ZSCAN20: variants seen among roughly 807,000 people sequenced by gnomAD.
ZSCAN20 encodes zinc finger and SCAN domain-containing protein 20.
A neutral mutation model predicts 97.1 loss-of-function variants in ZSCAN20; 39 were observed. The ratio of observed to expected loss-of-function variants is 0.40; its 90% CI spans 0.31 to 0.52. The LOEUF (loss-of-function observed/expected upper bound fraction) is 0.52. ZSCAN20 is among the 20% of genes least tolerant of loss of function. ZSCAN20 has a pLI of 0.49. For missense variants in ZSCAN20, 1,115 were observed against 1,290.4 expected, an observed-to-expected ratio of 0.86 and a Z score of 2.08; for synonymous variants, 456 against 467.3, an observed-to-expected ratio of 0.98 and a Z score of 0.31.
intron 1 of ZSCAN20, among the ~76,000 whole-genome samples, chr1:33,475,911 C>T (rs113276967): frequency 6.6e-6 from 1 of 151,658 alleles, no homozygotes; most frequent in Non-Finnish European, 1.5e-5. Context: ...CTTGTGATCT[C>T]CCTGCCTCGG....
intron 2 of ZSCAN20, among the ~76,000 whole-genome samples, chr1:33,487,321 T>A (rs1652408362): frequency 6.6e-6 from 1 of 152,190 alleles, no homozygotes; most frequent in South Asian, 2.1e-4. Context: ...TATAAAGTAT[T>A]GAGATTGTTA....
chr1:33,490,283 C>T (rs1315515446), intron 5 of ZSCAN20, among the ~76,000 whole-genome samples: 2 of 152,082 alleles, frequency 1.3e-5, no homozygotes, highest in African/African-American at 4.8e-5. Context: ...TTTTGGGAAA[C>T]GGTGAATTAA....
At chr1:33,472,812 G>A (rs1220564857) in intron 1 of ZSCAN20, 121 bp downstream of exon 1, 1 of 152,090 alleles carries the variant, frequency 6.6e-6, no homozygotes, top group African/African-American at 2.4e-5. Context: ...TTATATGTGG[G>A]GGTGGAGGGT....
In ZSCAN20 at chr1:33,494,395, A is replaced by C; in HGVS notation, c.2051A>C (p.Gln684Pro). The stretch of plus-strand genomic sequence containing the variant: ...CAGTGGGGAAATCCCTCACAGGAAC[A>C]GTGGCAAGAAAGTTCTTCTGAAGAG... Reference protein sequence around the residue: ...EGQWGNPSQEQWQESSSEEDL... With the variant: ...EGQWGNPSQEPWQESSSEEDL... Residue 684 changes from glutamine to proline, a missense_variant, in exon 8 of 8, where the codon CAG (glutamine) becomes CCG (proline). Coordinates refer to ENST00000684572, the MANE Select transcript of ZSCAN20 (RefSeq NM_001377376.1). 6.2e-7 allele frequency: 1 copy of C among 1,614,076 alleles called. No homozygotes were observed. Among genetic ancestry groups the C allele is most frequent in the Non-Finnish European group, 8.5e-7 (1 of 1,179,958 alleles).
intron 2 of ZSCAN20, among the ~76,000 whole-genome samples, chr1:33,487,704 A>G (rs962566573): frequency 6.6e-6 from 1 of 152,166 alleles, no homozygotes; most frequent in African/African-American, 2.4e-5. Flanking sequence ...GTGCAGTGGC[A>G]TGATCATAGG....
At chr1:33,475,183 G>A (rs1246819853) in intron 1 of ZSCAN20, among the ~76,000 whole-genome samples, 1 of 152,184 alleles carries the variant, frequency 6.6e-6, no homozygotes, top group Non-Finnish European at 1.5e-5. Context: ...AAAAATGATT[G>A]GAGAAAAGGG....
chr1:33,491,686 G>C lies in ZSCAN20; in HGVS notation c.1428G>C (p.Leu476=), dbSNP rs763085054. ...QGPRIAGAPA[L]FQSRIAGVHW... ...CCAGGATTGCAGGGGCCCCAGCTCTGTTCCAGAGTCGTATTGGTAAGAACA... is the reference window on the plus strand; with the variant it reads ...CCAGGATTGCAGGGGCCCCAGCTCTCTTCCAGAGTCGTATTGGTAAGAACA... Residue 476 remains leucine, a synonymous_variant, in exon 6 of 8, where the codon CTG becomes CTC. Transcript: ENST00000684572. The surrounding 1 kb of genome is among the most constrained non-coding windows in gnomAD (Gnocchi z 4.3). 1 of 1,595,760 alleles carries C rather than the reference G, an allele frequency of 6.3e-7. No homozygotes were observed. Among genetic ancestry groups the C allele is most frequent in the African/African-American group, 1.4e-5 (1 of 73,692 alleles).
At position 33,501,555 on chromosome 1, in the gene ZSCAN20, T is replaced by C. The variant is rs1261289846; in HGVS notation, c.*6079T>C. Among the ~76,000 whole-genome samples the C allele has an allele frequency of 6.8e-6, 1 of 147,816 alleles. No homozygotes were observed. Among genetic ancestry groups the C allele is most frequent in the Non-Finnish European group, 1.5e-5 (1 of 66,560 alleles). ...TCTGTTATTTTTTTTTTTTTTGTGC[T>C]GTTATGTACATCTCTTAAAGCTGGT... On this transcript the variant is annotated 3_prime_UTR_variant, in exon 8 of 8. Coordinates refer to ENST00000684572, the MANE Select transcript of ZSCAN20 (RefSeq NM_001377376.1).
intron 2 of ZSCAN20, among the ~76,000 whole-genome samples, chr1:33,482,272 G>C (rs1001951449): frequency 1.3e-5 from 2 of 151,942 alleles, no homozygotes; most frequent in African/African-American, 2.4e-5. Flanking sequence ...TCTTTATACT[G>C]TCTCCATAGT....
In ZSCAN20 at chr1:33,497,035, A is replaced by T. The variant is rs543099135; in HGVS notation, c.*1559A>T. The stretch of plus-strand genomic sequence containing the variant: ...AAAATCCCCCTCCTGCCATCCTCTT[A>T]TGACACTAGGATGTATTCATAACCT... On this transcript the variant is annotated 3_prime_UTR_variant, in exon 8 of 8. Transcript: ENST00000684572. Among the ~76,000 whole-genome samples the T allele has an allele frequency of 6.6e-6, 1 of 152,184 alleles. No individual in the cohort carries two copies. The highest frequency in any genetic ancestry group is 1.5e-5 in the Non-Finnish European group (1 of 68,032).
intron 2 of ZSCAN20, 53 bp from the exon 3 acceptor site, chr1:33,488,412 C>A (rs1024867644): frequency 3.8e-6 from 6 of 1,578,758 alleles, no homozygotes; most frequent in Non-Finnish European, 3.4e-6. Context: ...CTCAAAATAC[C>A]AAAGTGGGTC....
rs1210614000 is a variant in ZSCAN20 at position 33,488,461 on chromosome 1, G to A, written c.418-4G>A. On this transcript the variant is annotated splice_region_variant and splice_polypyrimidine_tract_variant and intron_variant, in intron 2 of 7. Transcript: ENST00000684572. ...GATTGGGAATTTTGACTATTTGTGT[G>A]TAGGGACTGGAATTGCATACAGAAG... 4.3e-6 allele frequency: 7 copies of A among 1,610,444 alleles called. No individual in the cohort carries two copies. Among genetic ancestry groups the A allele is most frequent in the East Asian group, 2.2e-5 (1 of 44,780 alleles).
At position 33,499,643 on chromosome 1, in the gene ZSCAN20, A is replaced by G. The variant is rs570445269; in HGVS notation, c.*4167A>G. 2.0e-5 allele frequency among the ~76,000 whole-genome samples: 3 copies of G among 152,238 alleles called. No individual in the cohort carries two copies. The highest frequency in any genetic ancestry group is 7.2e-5 in the African/African-American group (3 of 41,540). On this transcript the variant is annotated 3_prime_UTR_variant, in exon 8 of 8. Transcript: ENST00000684572. ...ACTCATCTTGGACTCAGTTCTGCCA[A>G]TACTTTCTCCCTTCTAAGAGCATTT...
At position 33,494,135 on chromosome 1, in the gene ZSCAN20, G is replaced by A. The variant is rs1271992567; in HGVS notation, c.1874-83G>A. On this transcript the variant is annotated intron_variant, in intron 7 of 7. Coordinates refer to ENST00000684572, the MANE Select transcript of ZSCAN20 (RefSeq NM_001377376.1). The stretch of plus-strand genomic sequence containing the variant: ...CAAATTCATGTTAGCCAAATTCACA[G>A]ATGTACAATACAGACACACACAAAC... The A allele has an allele frequency of 2.2e-5, 28 of 1,271,710 alleles. No individual in the cohort carries two copies. The East Asian group carries it at 6.7e-4, about 30-fold the overall frequency. 78.8% of individuals were successfully genotyped at this position (1,271,710 alleles called of 1,614,324 possible).
intron 2 of ZSCAN20, among the ~76,000 whole-genome samples, chr1:33,487,171 C>T (rs775023560): frequency 1.3e-5 from 2 of 152,010 alleles, no homozygotes; most frequent in Admixed American, 6.6e-5. Context: ...GGGAAAAGAA[C>T]GGGGTCGATG....
At chr1:33,479,083 C>T in intron 1 of ZSCAN20, 96 bp from the exon 2 acceptor site, 1 of 545,390 alleles carries the variant, frequency 1.8e-6, no homozygotes, top group East Asian at 3.1e-5. Flanking sequence ...AGCACCTCTG[C>T]CCCCATGCAA....
rs1365497957 is a variant in ZSCAN20, at chr1:33,499,128, T to A, written c.*3652T>A. ...CTGGGGCCCCCAGTGGGGATAGCTC[T>A]CTGCTTTCGGGCTGCAGAAAAGAAT... On this transcript the variant is annotated 3_prime_UTR_variant, in exon 8 of 8. Coordinates refer to ENST00000684572, the MANE Select transcript of ZSCAN20 (RefSeq NM_001377376.1). Among the ~76,000 whole-genome samples the A allele has an allele frequency of 6.6e-6, 1 of 152,180 alleles. No homozygotes were observed. The highest frequency in any genetic ancestry group is 1.9e-4 in the East Asian group (1 of 5,188).
In ZSCAN20 at chr1:33,479,359, A is replaced by T; in HGVS notation, c.71A>T (p.Lys24Ile). Residue 24 changes from lysine (K) to isoleucine (I), a missense_variant, in exon 2 of 8, where the codon AAA becomes ATA. Physicochemically the swap from Lys to Ile is moderately radical, Grantham distance 102 (BLOSUM62 -3). Transcript: ENST00000684572. Reference protein sequence around the residue: ...QPEPEELLIVKLEEDSWGSES... With the variant: ...QPEPEELLIVILEEDSWGSES... Reference sequence around the variant, plus strand: ...GAGCCTGAAGAACTCCTGATTGTGAAACTGGAAGAGGACTCTTGGGGATCA... The same window carrying T: ...GAGCCTGAAGAACTCCTGATTGTGATACTGGAAGAGGACTCTTGGGGATCA... 1 of 1,614,198 alleles carries T rather than the reference A, an allele frequency of 6.2e-7. No individual in the cohort carries two copies. Among genetic ancestry groups the T allele is most frequent in the Non-Finnish European group, 8.5e-7 (1 of 1,180,018 alleles).
At position 33,477,768 on chromosome 1, in the gene ZSCAN20, G is replaced by A. The variant is rs191537995; in HGVS notation, c.-110-1411G>A. On this transcript the variant is annotated intron_variant, in intron 1 of 7. Transcript: ENST00000684572. ...TTATTGAGTACTTCCTATATGTGCT[G>A]AGCACTGTGCTAGGTCTCTTGGGAA... is the stretch of plus-strand genomic sequence containing the variant. Among the ~76,000 whole-genome samples the A allele has an allele frequency of 9.6e-4, 146 of 151,390 alleles. 2 individuals are homozygous for A. The highest frequency in any genetic ancestry group is 2.4e-4 in the Non-Finnish European group (16 of 67,878).
Sources: allele counts gnomAD v4.1 joint callset (sites outside exome capture counted in the v4.1 genomes callset), GRCh38; gene constraint gnomAD v4.1.1; non-coding constraint Gnocchi (gnomAD v3.1); transcripts MANE v1.5; gene names NCBI Gene and HGNC (gene_info 2026-07-23, HGNC 2026-07-21).